DPYD: variants seen among roughly 807,000 people sequenced by gnomAD.
DPYD encodes the protein dihydropyrimidine dehydrogenase [NADP(+)].
In DPYD, 109 loss-of-function variants were observed where a neutral mutation model predicts 116.2. The ratio of observed to expected loss-of-function variants is 0.94; its 90% CI spans 0.80 to 1.10. DPYD has a LOEUF of 1.10. Ranked by LOEUF, DPYD falls within the 50% of genes least tolerant of loss-of-function variation. The pLI, the probability that DPYD is intolerant of heterozygous loss-of-function variation, is 0.00. For synonymous variants in DPYD, 440 were observed against 432.0 expected, an observed-to-expected ratio of 1.02 and a Z score of -0.23; for missense variants, 1,302 against 1,254.5, an observed-to-expected ratio of 1.04 and a Z score of -0.57.
At chr1:97,772,926 A>G (rs957162347) in intron 3 of DPYD, among the ~76,000 whole-genome samples, 1 of 152,258 alleles carries the variant, frequency 6.6e-6, no homozygotes, top group African/African-American at 2.4e-5. Context: ...AGAGCTCTAT[A>G]CAGATGATTT....
At chr1:97,313,497 CTGTGTG>C (rs58100703) in intron 16 of DPYD, among the ~76,000 whole-genome samples, 1 of 148,620 alleles carries the variant, frequency 6.7e-6, no homozygotes, top group African/African-American at 2.5e-5. Context: ...ACATGTGTGC[CTGTGTG>C]TGTGTGTGTG....
At position 97,471,627 on chromosome 1, in the gene DPYD, C is replaced by T. The variant is rs564844901; in HGVS notation, c.1741-21404G>A. On this transcript the variant is annotated intron_variant, in intron 13 of 22. Coordinates refer to ENST00000370192, the MANE Select transcript of DPYD (RefSeq NM_000110.4). ...TTTTTTTGAGACAGTTTTGCTCTGTCGCCCAGGCTGGAGAGCAGTGGCACA... is the reference window on the plus strand; with the variant it reads ...TTTTTTTGAGACAGTTTTGCTCTGTTGCCCAGGCTGGAGAGCAGTGGCACA... Among the ~76,000 whole-genome samples the T allele has an allele frequency of 2.1e-4, 31 of 148,728 alleles. 1 individual carries two copies. The South Asian group carries it at 6.6e-3, about 31-fold the overall frequency.
At chr1:97,599,578 C>T (rs1655117918) in intron 8 of DPYD, among the ~76,000 whole-genome samples, 2 of 151,914 alleles carry the variant, frequency 1.3e-5, no homozygotes, top group East Asian at 1.9e-4. Context: ...TGCTTCCTGT[C>T]CTTGAAAGGA....
chr1:97,853,111 T>C lies in DPYD; in HGVS notation c.151-24915A>G, dbSNP rs145436822. 1.6e-3 allele frequency among the ~76,000 whole-genome samples: 237 copies of C among 152,296 alleles called. 4 individuals carry two copies. The East Asian group carries it at 0.036, about 23-fold the overall frequency. On this transcript the variant is annotated intron_variant, in intron 2 of 22. Coordinates refer to ENST00000370192, the MANE Select transcript of DPYD (RefSeq NM_000110.4). Reference sequence around the variant, plus strand: ...TTTCTCTTGTTTTACTGTAGCATTCTGTAGGTCTCCCTCCTGCACTAAACA... The same window carrying C: ...TTTCTCTTGTTTTACTGTAGCATTCCGTAGGTCTCCCTCCTGCACTAAACA...
chr1:97,788,100 G>C (rs1324896915), intron 3 of DPYD, among the ~76,000 whole-genome samples: 1 of 152,168 alleles, frequency 6.6e-6, no homozygotes, highest in African/African-American at 2.4e-5. Context: ...ATAGAGAGCT[G>C]CAACAGCAAT....
At chr1:97,088,340 G>T (rs1205603940) in intron 21 of DPYD, among the ~76,000 whole-genome samples, 1 of 152,142 alleles carries the variant, frequency 6.6e-6, no homozygotes, top group Non-Finnish European at 1.5e-5. Flanking sequence ...TCCTTTAGCT[G>T]CCATTTTCTT....
At chr1:97,714,847 C>T (rs924539031) in intron 5 of DPYD, among the ~76,000 whole-genome samples, 5 of 151,938 alleles carry the variant, frequency 3.3e-5, no homozygotes, top group African/African-American at 9.7e-5. Flanking sequence ...TTACATTGAG[C>T]GCCTCTGTCT....
chr1:97,287,817 C>T (rs1174328429), intron 18 of DPYD, among the ~76,000 whole-genome samples: 1 of 152,066 alleles, frequency 6.6e-6, no homozygotes, highest in East Asian at 1.9e-4. Context: ...ACCTGATTTT[C>T]CAGGTGCCAT....
chr1:97,668,295 G>T (rs1206807472), intron 8 of DPYD, among the ~76,000 whole-genome samples: 7 of 151,902 alleles, frequency 4.6e-5, no homozygotes, highest in Non-Finnish European at 1.0e-4. Flanking sequence ...GGTTTCAGAG[G>T]GACCTCAGTT....
rs1557790933 is a variant in DPYD, at chr1:97,549,670, T to C, written c.1414A>G (p.Ser472Gly). 2 of 1,613,894 alleles carry C rather than the reference T, an allele frequency of 1.2e-6. No homozygotes were observed. Among genetic ancestry groups the C allele is most frequent in the Non-Finnish European group, 1.7e-6 (2 of 1,179,864 alleles). ...PEVDPETMQT[S>G]EAWVFAGGDV... ...CCACCTGCAAATACCCATGCTTCAC[T>C]AGTTTGCATAGTTTCTGGATCTACT... The change falls in exon 12 of 23, where the codon AGT (serine) becomes GGT (glycine). Residue 472 changes from serine (S) to glycine (G), a missense_variant. Coordinates refer to ENST00000370192, the MANE Select transcript of DPYD (RefSeq NM_000110.4).
At chr1:97,548,213 C>A (rs1026685485) in intron 12 of DPYD, among the ~76,000 whole-genome samples, 2 of 152,074 alleles carry the variant, frequency 1.3e-5, no homozygotes, top group African/African-American at 4.8e-5. Flanking sequence ...TTAACAAGAG[C>A]AAATTTTCCA....
chr1:97,086,076 CAG>C (rs1474883289), intron 21 of DPYD, among the ~76,000 whole-genome samples: 3 of 152,020 alleles, frequency 2.0e-5, no homozygotes, highest in African/African-American at 2.4e-5. Context: ...TTGTTTGAGA[CAG>C]AGTCTCGCTC....
In DPYD at chr1:97,215,712, A is replaced by G. The variant is rs146841923; in HGVS notation, c.2442+19140T>C. The stretch of plus-strand genomic sequence containing the variant: ...CCCACCATCACATAGTGCATACCAC[A>G]TTCCTCCTGCGCACAAACAGGCACG... On this transcript the variant is annotated intron_variant, in intron 19 of 22. Coordinates refer to ENST00000370192, the MANE Select transcript of DPYD (RefSeq NM_000110.4). Among the ~76,000 whole-genome samples the G allele has an allele frequency of 1.7e-4, 26 of 152,262 alleles. No homozygotes were observed. In the Middle Eastern group the frequency reaches 0.014, roughly 80 times the overall value.
intron 8 of DPYD, among the ~76,000 whole-genome samples, chr1:97,602,235 G>T (rs1020118301): frequency 6.6e-6 from 1 of 151,844 alleles, no homozygotes; most frequent in Admixed American, 6.6e-5. Context: ...CTAGAAAAGA[G>T]AATAAAATAA....
intron 20 of DPYD, among the ~76,000 whole-genome samples, chr1:97,165,273 T>C (rs1656240337): frequency 6.6e-6 from 1 of 152,018 alleles, no homozygotes; most frequent in South Asian, 2.1e-4. Flanking sequence ...GAAATAAGGC[T>C]GCACACCTAC....
intron 17 of DPYD, 110 bp downstream of exon 17, chr1:97,306,067 T>C (rs2101039933): frequency 6.4e-7 from 1 of 1,570,590 alleles, no homozygotes; most frequent in Non-Finnish European, 8.7e-7. Context: ...CTTTTAAAAT[T>C]GAGACAAAAA....
chr1:97,642,691 T>C (rs1658000144), intron 8 of DPYD, among the ~76,000 whole-genome samples: 1 of 122,948 alleles, frequency 8.1e-6, no homozygotes, highest in African/African-American at 3.2e-5. Context: ...TGAGAACACA[T>C]GGACACAGGA....
At position 97,200,181 on chromosome 1, in the gene DPYD, A is replaced by G. The variant is rs1196959575; in HGVS notation, c.2443-6933T>C. Among the ~76,000 whole-genome samples, 9 of 152,314 alleles carry G rather than the reference A, an allele frequency of 5.9e-5. No homozygotes were observed. In the South Asian group the frequency reaches 1.7e-3, roughly 28 times the overall value. ...AAATAGAGATCTTGATCTATTAAAC[A>G]CAACTCAGATAAACCCATGACCATA... On this transcript the variant is annotated intron_variant, in intron 19 of 22. Transcript: ENST00000370192.
intron 16 of DPYD, among the ~76,000 whole-genome samples, chr1:97,350,432 G>C (rs1306163751): frequency 6.6e-6 from 1 of 152,026 alleles, no homozygotes; most frequent in African/African-American, 2.4e-5. Context: ...AATGTGGGTT[G>C]CTCATAACAT....
Sources: gnomAD v4.1 joint callset for allele counts (sites outside exome capture counted in the v4.1 genomes callset) on GRCh38, gnomAD v4.1.1 for gene constraint, MANE v1.5 for transcripts, NCBI Gene and HGNC (gene_info 2026-07-23, HGNC 2026-07-21) for gene names.